Variants in ABCB5 observed in about 807,000 individuals in gnomAD.
ABCB5 encodes the protein ATP binding cassette subfamily B member 5.
In ABCB5, 155 loss-of-function variants were observed where a neutral mutation model predicts 144.2. That is an observed-to-expected ratio of 1.08 (90% CI 0.94 to 1.23). The LOEUF is 1.23. Among genes scored for constraint, ABCB5 ranks in the 50% most tolerant of loss-of-function variants. ABCB5 has a pLI of 0.00. For synonymous variants in ABCB5, 610 were observed against 528.6 expected (o/e 1.15, Z -2.11); for missense variants, 1,830 against 1,520.8 (o/e 1.20, Z -3.38).
chr7:20,753,321 A>AC (rs781372805), intron 26 of ABCB5, 39 bp from the exon 27 acceptor site: 2 of 1,575,398 alleles, frequency 1.3e-6, no homozygotes, highest in African/African-American at 1.4e-5. Flanking sequence ...AATTTAAATA[A>AC]CCAAGACTTG....
chr7:20,744,457 T>G (rs1207503598), intron 25 of ABCB5, among the ~76,000 whole-genome samples: 1 of 152,088 alleles, frequency 6.6e-6, no homozygotes, highest in Non-Finnish European at 1.5e-5. Context: ...TAAGGCCTTC[T>G]TGTACAACCC....
chr7:20,724,014 T>A (rs1445997009), intron 21 of ABCB5, among the ~76,000 whole-genome samples: 1 of 152,050 alleles, frequency 6.6e-6, no homozygotes, highest in Non-Finnish European at 1.5e-5. Context: ...GAAAGAGACA[T>A]CATCTGACCC....
At chr7:20,647,847 G>A (rs901789182) in intron 10 of ABCB5, 121 bp from the exon 11 acceptor site, 1 of 1,085,660 alleles carries the variant, frequency 9.2e-7, no homozygotes, top group Non-Finnish European at 1.3e-6. Context: ...CTAACTCAAT[G>A]CACTTCTAAA....
chr7:20,666,674 C>T, intron 14 of ABCB5: 2 of 1,502,384 alleles, frequency 1.3e-6, no homozygotes, highest in Non-Finnish European at 1.8e-6. Flanking sequence ...TGGTCAAATA[C>T]CTAATTGTTT....
At chr7:20,653,614 G>C (rs1228492229) in intron 13 of ABCB5, among the ~76,000 whole-genome samples, 1 of 152,102 alleles carries the variant, frequency 6.6e-6, no homozygotes, top group African/African-American at 2.4e-5. Flanking sequence ...TCTCATAAAG[G>C]TACTCCATGA....
chr7:20,658,074 T>TC (rs1232619143), intron 13 of ABCB5, among the ~76,000 whole-genome samples: 1 of 152,174 alleles, frequency 6.6e-6, no homozygotes, highest in African/African-American at 2.4e-5. Context: ...CAATTTTTTT[T>TC]CATGCTGTTT....
At chr7:20,620,365 C>G (rs1235449581) in intron 1 of ABCB5, among the ~76,000 whole-genome samples, 1 of 151,778 alleles carries the variant, frequency 6.6e-6, no homozygotes, top group African/African-American at 2.4e-5. Flanking sequence ...GATATGATGC[C>G]AAAAACACAC....
intron 20 of ABCB5, among the ~76,000 whole-genome samples, chr7:20,707,512 T>C (rs1786859250): frequency 6.6e-6 from 1 of 152,230 alleles, no homozygotes. Flanking sequence ...GGAAACTCAA[T>C]TCTGTAAAAT....
intron 2 of ABCB5, among the ~76,000 whole-genome samples, chr7:20,625,181 C>T (rs1366116671): frequency 6.6e-6 from 1 of 152,036 alleles, no homozygotes; most frequent in Admixed American, 6.5e-5. Context: ...ATGCCTCAGC[C>T]CAGAGCAAAT....
Position 20,679,226 on chromosome 7 carries a change from G to A in ABCB5, c.1708-2279G>A, listed in dbSNP as rs879818084. On this transcript the variant is annotated intron_variant, in intron 14 of 27. Coordinates refer to ENST00000404938, the MANE Select transcript of ABCB5 (RefSeq NM_001163941.2). ...TTCACGCCTGTAATCCCAGCACTTT[G>A]GGATGCTGAGGTGGGTGGATCACCT... is the stretch of plus-strand genomic sequence containing the variant. Among the ~76,000 whole-genome samples, 26 of 152,180 alleles carry A rather than the reference G, an allele frequency of 1.7e-4. No homozygotes were observed. In the South Asian group the frequency reaches 4.1e-3, roughly 24 times the overall value.
rs780227504 is a variant in ABCB5 at position 20,753,345 on chromosome 7, A to C, written c.3430-15A>C. 1.9e-6 allele frequency: 3 copies of C among 1,597,010 alleles called. No individual in the cohort carries two copies. The highest frequency in any genetic ancestry group is 2.6e-6 in the Non-Finnish European group (3 of 1,169,276). On this transcript the variant is annotated splice_polypyrimidine_tract_variant and intron_variant, in intron 26 of 27. Coordinates refer to ENST00000404938, the MANE Select transcript of ABCB5 (RefSeq NM_001163941.2). ...AACCAAGACTTGCTTTCTTAATTGC[A>C]TGCTCCTGTGATAGAAATACAACAC...
chr7:20,686,879 C>T (rs1786019877), intron 16 of ABCB5, among the ~76,000 whole-genome samples: 1 of 152,136 alleles, frequency 6.6e-6, no homozygotes, highest in African/African-American at 2.4e-5. Context: ...GCCTGAAGCC[C>T]CTGGATTATC....
At chr7:20,643,942 T>C (rs1784349801) in intron 7 of ABCB5, among the ~76,000 whole-genome samples, 1 of 152,222 alleles carries the variant, frequency 6.6e-6, no homozygotes, top group Non-Finnish European at 1.5e-5. Flanking sequence ...TGATGTTTAG[T>C]TGTTGCTGTT....
chr7:20,701,660 A>G (rs1786632064), intron 19 of ABCB5, among the ~76,000 whole-genome samples: 1 of 152,330 alleles, frequency 6.6e-6, no homozygotes, highest in Non-Finnish European at 1.5e-5. Context: ...TAGATACAGT[A>G]GCTTCTGCTA....
At chr7:20,704,850 GTGCACACATGCAA>G (rs746030209) in intron 20 of ABCB5, 43 bp downstream of exon 20, 16 of 1,482,188 alleles carry the variant, frequency 1.1e-5, no homozygotes, top group Middle Eastern at 1.7e-4. Context: ...TGTATGTGGT[GTGCACACATGCAA>G]TGCACACATG....
rs142367245 is a variant in ABCB5 at position 20,756,831 on chromosome 7, T to C, written c.*1207T>C. ...ATTTTCAACTTACTTAAATATGTAA[T>C]GTCACCTGGTGATTTTATCTTTATT... On this transcript the variant is annotated 3_prime_UTR_variant, in exon 28 of 28. Coordinates refer to ENST00000404938, the MANE Select transcript of ABCB5 (RefSeq NM_001163941.2). 16 of 152,462 alleles carry C rather than the reference T, an allele frequency of 1.0e-4. No individual in the cohort carries two copies. In the East Asian group the frequency reaches 2.6e-3, roughly 25 times the overall value. 9.4% of individuals were successfully genotyped at this position (152,462 alleles called of 1,614,324 possible). A position where few individuals can be genotyped will look rare whatever the true frequency, so the allele number is the denominator to read the frequency against.
intron 1 of ABCB5, among the ~76,000 whole-genome samples, chr7:20,617,310 AT>A (rs1783709424): frequency 6.6e-6 from 1 of 152,166 alleles, no homozygotes; most frequent in Non-Finnish European, 1.5e-5. Context: ...ATTTCTTTAG[AT>A]TATCATTCAG....
At position 20,623,346 on chromosome 7, in the gene ABCB5, C is replaced by A; in HGVS notation, c.53+8C>A. On this transcript the variant is annotated splice_region_variant and intron_variant, in intron 2 of 27. Coordinates refer to ENST00000404938, the MANE Select transcript of ABCB5 (RefSeq NM_001163941.2). ...AAATTATCAGAGAAATGGGTAAGCT[C>A]TCACTAAGTTCTGTAAGTATGCTTC... 1 of 1,545,862 alleles carries A rather than the reference C, an allele frequency of 6.5e-7. No homozygotes were observed. The highest frequency in any genetic ancestry group is 8.8e-7 in the Non-Finnish European group (1 of 1,141,274).
At chr7:20,704,463 TAATTC>T (rs1786749395) in intron 19 of ABCB5, among the ~76,000 whole-genome samples, 1 of 152,232 alleles carries the variant, frequency 6.6e-6, no homozygotes, top group African/African-American at 2.4e-5. Flanking sequence ...ATGACCATTT[TAATTC>T]AACATTGATT....
Sources: allele counts gnomAD v4.1 joint callset (sites outside exome capture counted in the v4.1 genomes callset), GRCh38; gene constraint gnomAD v4.1.1; transcripts MANE v1.5; gene names NCBI Gene and HGNC (gene_info 2026-07-23, HGNC 2026-07-21).